AKT3: variants seen among roughly 807,000 people sequenced by gnomAD.
AKT3 encodes the protein RAC-gamma serine/threonine-protein kinase.
AKT3 carries 15 observed loss-of-function variants against 65.3 expected under a neutral mutation model. That is an observed-to-expected ratio of 0.23 (90% CI 0.15 to 0.35). The LOEUF (loss-of-function observed/expected upper bound fraction) is 0.35. Among genes scored for constraint, AKT3 ranks in the 10% least tolerant of loss-of-function variants. The pLI, the probability that AKT3 is intolerant of heterozygous loss-of-function variation, is 1.00. For missense variants in AKT3, 243 were observed against 576.5 expected (o/e 0.42, Z 5.92); for synonymous variants, 206 against 183.8 (o/e 1.12, Z -0.98).
intron 2 of AKT3, among the ~76,000 whole-genome samples, chr1:243,813,273 G>T (rs932187423): frequency 1.3e-5 from 2 of 152,098 alleles, no homozygotes; most frequent in Non-Finnish European, 2.9e-5. Flanking sequence ...ACCAAAAAAG[G>T]TTCAACCTGA....
At chr1:243,807,415 C>G (rs1374687115) in intron 2 of AKT3, among the ~76,000 whole-genome samples, 1 of 152,188 alleles carries the variant, frequency 6.6e-6, no homozygotes, top group Admixed American at 6.5e-5. Flanking sequence ...GGGTCCTATG[C>G]CCACAGAGCC....
intron 12 of AKT3, among the ~76,000 whole-genome samples, chr1:243,527,928 CACACACACAG>C (rs1324669742): frequency 0.098 from 4,704 of 47,854 alleles, 71 homozygotes; most frequent in East Asian, 0.17. Flanking sequence ...CACACACACA[CACACACACAG>C]AGAGAGAGAG....
chr1:243,567,366 G>A (rs1674232930), intron 9 of AKT3, among the ~76,000 whole-genome samples: 1 of 151,816 alleles, frequency 6.6e-6, no homozygotes, highest in African/African-American at 2.4e-5. Flanking sequence ...GGAGTACAGT[G>A]GCACAATCAC....
At chr1:243,498,347 CCACT>C (rs1668558382), downstream of AKT3, among the ~76,000 whole-genome samples, 1 of 152,290 alleles carries the variant, frequency 6.6e-6, no homozygotes, top group East Asian at 1.9e-4. Context: ...TCCTCATGGG[CCACT>C]CAGACAGGGC....
At chr1:243,571,173 TG>T (rs1278116024) in intron 9 of AKT3, among the ~76,000 whole-genome samples, 1 of 152,054 alleles carries the variant, frequency 6.6e-6, no homozygotes, top group Non-Finnish European at 1.5e-5. Context: ...AAAAATTAGC[TG>T]GGCGTGGTGG....
At chr1:243,673,416 T>C (rs1200602947) in intron 3 of AKT3, among the ~76,000 whole-genome samples, 1 of 152,076 alleles carries the variant, frequency 6.6e-6, no homozygotes, top group Non-Finnish European at 1.5e-5. Context: ...ATGTTTTGGA[T>C]ATTTTCCATT....
rs564351282 is a variant in AKT3 at position 243,587,263 on chromosome 1, T to G, written c.697-14215A>C. Among the ~76,000 whole-genome samples the G allele has an allele frequency of 6.6e-4, 101 of 152,306 alleles. 2 individuals carry two copies. The highest frequency in any genetic ancestry group is 1.2e-3 in the Non-Finnish European group (79 of 68,020). On this transcript the variant is annotated intron_variant, in intron 8 of 13. Coordinates refer to ENST00000673466, the MANE Select transcript of AKT3 (RefSeq NM_005465.7). The stretch of plus-strand genomic sequence containing the variant: ...CTTTGCAAAACAATCTGGCAATAGA[T>G]AGCAAGATAATTTTTAAAGTTCGGT...
chr1:243,738,006 T>G (rs1334979204), intron 2 of AKT3, among the ~76,000 whole-genome samples: 2 of 152,160 alleles, frequency 1.3e-5, no homozygotes, highest in African/African-American at 4.8e-5. Context: ...ACCGACTACA[T>G]CCCTGGCCCA....
At chr1:243,510,627 C>T (rs971993101) in intron 13 of AKT3, among the ~76,000 whole-genome samples, 11 of 152,132 alleles carry the variant, frequency 7.2e-5, no homozygotes, top group Admixed American at 2.6e-4. Flanking sequence ...CCCCAGAGCC[C>T]GAGGCATGGT....
chr1:243,596,790 C>T (rs543258249), intron 8 of AKT3, among the ~76,000 whole-genome samples: 2 of 152,194 alleles, frequency 1.3e-5, no homozygotes, highest in Middle Eastern at 3.4e-3. Context: ...GGTATTAATC[C>T]GCATGTACGT....
chr1:243,729,107 A>G (rs1483001323), intron 2 of AKT3, among the ~76,000 whole-genome samples: 2 of 152,262 alleles, frequency 1.3e-5, no homozygotes, highest in Admixed American at 1.3e-4. Flanking sequence ...GGAGTAAGAA[A>G]TCCAAATAAA....
intron 13 of AKT3, among the ~76,000 whole-genome samples, chr1:243,507,157 A>T (rs1001067142): frequency 2.0e-5 from 3 of 152,222 alleles, no homozygotes; most frequent in African/African-American, 7.2e-5. Context: ...CTCAGCCAGG[A>T]AGGGCAGGAG....
chr1:243,520,557 T>C (rs775696554), intron 12 of AKT3, among the ~76,000 whole-genome samples: 2 of 152,222 alleles, frequency 1.3e-5, no homozygotes, highest in South Asian at 4.1e-4. Flanking sequence ...TTAGAAAAGA[T>C]AGTCATATAT....
At chr1:243,791,278 G>A (rs1006222485) in intron 2 of AKT3, among the ~76,000 whole-genome samples, 4 of 94,162 alleles carry the variant, frequency 4.2e-5, no homozygotes, top group South Asian at 6.8e-4. Context: ...CAGTATGAAC[G>A]TAACCATTCT....
intron 2 of AKT3, among the ~76,000 whole-genome samples, chr1:243,829,323 G>A (rs1007316468): frequency 3.9e-5 from 6 of 152,134 alleles, no homozygotes; most frequent in African/African-American, 1.4e-4. Context: ...TCATCATAAT[G>A]ATGCTCAAAG....
At chr1:243,809,006 T>G (rs1692939558) in intron 2 of AKT3, among the ~76,000 whole-genome samples, 1 of 152,190 alleles carries the variant, frequency 6.6e-6, no homozygotes, top group African/African-American at 2.4e-5. Context: ...CCACCAGGTC[T>G]GCCCTAAAAG....
intron 2 of AKT3, among the ~76,000 whole-genome samples, chr1:243,779,065 G>A (rs947448075): frequency 2.2e-4 from 34 of 151,936 alleles, no homozygotes; most frequent in Admixed American, 1.2e-3. Context: ...GATGCTGTAT[G>A]TTGTCTTGGC....
intron 2 of AKT3, among the ~76,000 whole-genome samples, chr1:243,760,906 A>T (rs1689453632): frequency 6.6e-6 from 1 of 152,316 alleles, no homozygotes; most frequent in African/African-American, 2.4e-5. Flanking sequence ...GTTAATTAAT[A>T]AATAATATTA....
At chr1:243,550,806 A>AAAAC in intron 11 of AKT3, among the ~76,000 whole-genome samples, 1 of 144,116 alleles carries the variant, frequency 6.9e-6, no homozygotes, top group Non-Finnish European at 1.5e-5. Context: ...AAAAAAAAAA[A>AAAAC]AAAAAAGCCA....
Sources: gnomAD v4.1 joint callset for allele counts (sites outside exome capture counted in the v4.1 genomes callset) on GRCh38, gnomAD v4.1.1 for gene constraint, MANE v1.5 for transcripts, NCBI Gene and HGNC (gene_info 2026-07-23, HGNC 2026-07-21) for gene names.